FAM53B: variants seen among roughly 807,000 people sequenced by gnomAD.
FAM53B encodes the protein family with sequence similarity 53 member B.
FAM53B carries 12 observed loss-of-function variants against 32.7 expected under a neutral mutation model. That is an observed-to-expected ratio of 0.37 (90% confidence interval 0.24 to 0.59). FAM53B has a LOEUF of 0.59. Ranked by LOEUF, FAM53B falls within the 20% of genes least tolerant of loss-of-function variation. The pLI is 0.72. For synonymous variants in FAM53B, 234 were observed against 228.7 expected, an observed-to-expected ratio of 1.02 and a Z score of -0.21; for missense variants, 477 against 577.7, an observed-to-expected ratio of 0.83 and a Z score of 1.79.
At chr10:124,671,267 C>A in intron 4 of FAM53B, 2 of 440,878 alleles carry the variant, frequency 4.5e-6, no homozygotes, top group South Asian at 3.1e-5. Flanking sequence ...AGCTAGCCGG[C>A]GCCCCTGCCT....
Position 124,620,057 on chromosome 10 carries a change from G to A in FAM53B, c.*3185C>T, listed in dbSNP as rs1487186710. ...GTTTGTTTTGTTTTCTTTTTAATGT[G>A]GACTTCCCCTTTATTTAAATTTTCT... On this transcript the variant is annotated 3_prime_UTR_variant, in exon 5 of 5. Coordinates refer to ENST00000337318, the MANE Select transcript of FAM53B (RefSeq NM_014661.4). The A allele has an allele frequency of 6.6e-6, 1 of 152,440 alleles. No individual in the cohort carries two copies. Among genetic ancestry groups the A allele is most frequent in the Admixed American group, 6.5e-5 (1 of 15,272 alleles). 9.4% of individuals were successfully genotyped at this position (152,440 alleles called of 1,614,324 possible).
In FAM53B at chr10:124,623,433, G is replaced by A. The variant is rs1949325017; in HGVS notation, c.1078C>T (p.Pro360Ser). ...GCGAGGTGGTCGTCGAAGGAAGGGG[G>A]AAGAGGCTCAGGGACCGGGGTCCCA... ...PAGTPVPEPL[P>S]PSFDDHLACQ... The change falls in exon 5 of 5, where the codon CCC (proline) becomes TCC (serine). Residue 360 changes from proline (P) to serine (S), a missense_variant. This residue lies in a region of FAM53B where 165 missense variants were observed against 157.5 expected (regional missense o/e 1.05). Coordinates refer to ENST00000337318, the MANE Select transcript of FAM53B (RefSeq NM_014661.4). 6.9e-6 allele frequency: 11 copies of A among 1,603,060 alleles called. No individual in the cohort carries two copies. The highest frequency in any genetic ancestry group is 1.7e-5 in the Admixed American group (1 of 58,300).
At chr10:124,727,342 G>T (rs897354360) in intron 1 of FAM53B, among the ~76,000 whole-genome samples, 5 of 139,046 alleles carry the variant, frequency 3.6e-5, no homozygotes, top group African/African-American at 1.1e-4. Context: ...GGGGGGGGGG[G>T]GGTGCGGGGG....
chr10:124,735,288 C>T (rs1950166844), intron 1 of FAM53B, among the ~76,000 whole-genome samples: 1 of 152,100 alleles, frequency 6.6e-6, no homozygotes, highest in Admixed American at 6.6e-5. Context: ...GGCAGCAGAG[C>T]CAAGACGGTG....
Position 124,622,733 on chromosome 10 carries a change from C to T in FAM53B, c.*509G>A, listed in dbSNP as rs1949319388. On this transcript the variant is annotated 3_prime_UTR_variant, in exon 5 of 5. Transcript: ENST00000337318. ...CCTTCCCAAGCCTGAAGCAGGGAGACCTGGGAGAGAAGGCACGGAGTAAAA... is the reference window on the plus strand; with the variant it reads ...CCTTCCCAAGCCTGAAGCAGGGAGATCTGGGAGAGAAGGCACGGAGTAAAA... 6.5e-6 allele frequency: 1 copy of T among 153,442 alleles called. No individual in the cohort carries two copies. 9.5% of individuals were successfully genotyped at this position (153,442 alleles called of 1,614,324 possible). A position where few individuals can be genotyped will look rare whatever the true frequency, so the allele number is the denominator to read the frequency against.
At chr10:124,687,237 C>T (rs532184413) in intron 3 of FAM53B, among the ~76,000 whole-genome samples, 37 of 152,274 alleles carry the variant, frequency 2.4e-4, no homozygotes, top group African/African-American at 8.7e-4. Context: ...GACGTCACAC[C>T]ATACAAAGGG....
intron 1 of FAM53B, among the ~76,000 whole-genome samples, chr10:124,715,851 G>C (rs538794847): frequency 7.2e-4 from 110 of 152,292 alleles, no homozygotes; most frequent in Non-Finnish European, 1.4e-3. Context: ...CTGTAGGTGG[G>C]GGCACTACAA....
chr10:124,647,888 C>A (rs1949529292), intron 4 of FAM53B, among the ~76,000 whole-genome samples: 1 of 152,206 alleles, frequency 6.6e-6, no homozygotes, highest in South Asian at 2.1e-4. Flanking sequence ...CCCAGAACAG[C>A]CCCGTGTGCA....
chr10:124,726,972 C>T (rs559122671), intron 1 of FAM53B, among the ~76,000 whole-genome samples: 1 of 152,140 alleles, frequency 6.6e-6, no homozygotes, highest in Non-Finnish European at 1.5e-5. Context: ...TGTAAAAATT[C>T]CCTTGCAATA....
At chr10:124,630,289 CT>C (rs1221491742) in intron 4 of FAM53B, among the ~76,000 whole-genome samples, 1 of 152,192 alleles carries the variant, frequency 6.6e-6, no homozygotes, top group African/African-American at 2.4e-5. Flanking sequence ...TGGCGCATGC[CT>C]GTGGTCCCCG....
At chr10:124,635,868 A>G (rs1309586726) in intron 4 of FAM53B, among the ~76,000 whole-genome samples, 3 of 152,238 alleles carry the variant, frequency 2.0e-5, no homozygotes, top group Admixed American at 6.5e-5. Context: ...AGGGTTTACT[A>G]TTCAAGAGAA....
Position 124,680,887 on chromosome 10 carries a change from A to G in FAM53B, c.906+720T>C, listed in dbSNP as rs114451004. On this transcript the variant is annotated intron_variant, in intron 4 of 4. Coordinates refer to ENST00000337318, the MANE Select transcript of FAM53B (RefSeq NM_014661.4). ...CTCATCCCCAGCCAGAACCAGATGCAGCCAACTCTCGGGCTCAGAGACGCT... is the reference window on the plus strand; with the variant it reads ...CTCATCCCCAGCCAGAACCAGATGCGGCCAACTCTCGGGCTCAGAGACGCT... 7.8e-3 allele frequency among the ~76,000 whole-genome samples: 1,182 copies of G among 152,348 alleles called. 19 individuals are homozygous for G. Among genetic ancestry groups the G allele is most frequent in the African/African-American group, 0.026 (1,081 of 41,578 alleles).
At chr10:124,722,811 TG>T (rs1589764055) in intron 1 of FAM53B, among the ~76,000 whole-genome samples, 1 of 152,322 alleles carries the variant, frequency 6.6e-6, no homozygotes, top group East Asian at 1.9e-4. Flanking sequence ...GAGGGAGACG[TG>T]TAGCTGGGGA....
At chr10:124,665,503 C>T (rs1949664161) in intron 4 of FAM53B, among the ~76,000 whole-genome samples, 1 of 152,230 alleles carries the variant, frequency 6.6e-6, no homozygotes, top group South Asian at 2.1e-4. Flanking sequence ...ACATGACAGG[C>T]AGAACTCAAA....
rs1409271915 is a variant in FAM53B at position 124,681,906 on chromosome 10, G to A, written c.607C>T (p.Pro203Ser). 1.2e-6 allele frequency: 2 copies of A among 1,613,966 alleles called. No individual in the cohort carries two copies. Among genetic ancestry groups the A allele is most frequent in the African/African-American group, 1.3e-5 (1 of 75,074 alleles). ...QPCQGVPGSA[P>S]CGQAGDTWSP... ...CAGGTGTCACCTGCCTGTCCACACG[G>A]GGCTGAGCCTGGCACCCCTTGGCAG... Residue 203 changes from proline to serine, a missense_variant, in exon 4 of 5, where the codon CCG becomes TCG. Pro to Ser is a moderately conservative substitution (Grantham distance 74). Around this residue, in one of 2 missense-constraint regions of FAM53B, gnomAD observed 312 missense variants for 420.2 expected, o/e 0.74. Coordinates refer to ENST00000337318, the MANE Select transcript of FAM53B (RefSeq NM_014661.4).
chr10:124,741,218 A>C (rs1436091787), intron 1 of FAM53B, among the ~76,000 whole-genome samples: 1 of 152,176 alleles, frequency 6.6e-6, no homozygotes, highest in African/African-American at 2.4e-5. Flanking sequence ...CACATCAGAG[A>C]GGTGTGCGTG....
intron 4 of FAM53B, chr10:124,667,412 T>C (rs1273963205): frequency 2.6e-6 from 2 of 769,596 alleles, no homozygotes; most frequent in East Asian, 4.9e-5. Flanking sequence ...GCCTTCCTCA[T>C]GGGGCTATCT....
intron 4 of FAM53B, chr10:124,623,910 C>T: frequency 2.8e-6 from 1 of 353,470 alleles, no homozygotes; most frequent in Non-Finnish European, 5.1e-6. Flanking sequence ...ATGCTCCTAA[C>T]ACTTCGTCCA....
intron 4 of FAM53B, among the ~76,000 whole-genome samples, chr10:124,677,199 C>T (rs1949741565): frequency 6.6e-6 from 1 of 152,242 alleles, no homozygotes; most frequent in Non-Finnish European, 1.5e-5. Context: ...GCGTATGGCT[C>T]AAGTCTTGCT....
Sources: gnomAD v4.1 joint callset for allele counts (sites outside exome capture counted in the v4.1 genomes callset) on GRCh38, gnomAD v4.1.1 for gene constraint, gnomAD v4.1.1 regional missense constraint, MANE v1.5 for transcripts, NCBI Gene and HGNC (gene_info 2026-07-23, HGNC 2026-07-21) for gene names.